The following CHODL variants were observed in gnomAD, a reference collection of about 807,000 sequenced individuals.
CHODL encodes the protein chondrolectin.
A neutral mutation model predicts 34.5 loss-of-function variants in CHODL; 29 were observed. The ratio of observed to expected loss-of-function variants is 0.84; its 90% confidence interval spans 0.63 to 1.15. CHODL has a LOEUF of 1.15. Ranked by LOEUF, CHODL falls within the 50% of genes most tolerant of loss-of-function variation. The probability of loss-of-function intolerance (pLI) is 0.00; values close to 1 mark genes in which losing one functional copy is unlikely to be tolerated. For synonymous variants in CHODL, 125 were observed against 116.1 expected (o/e 1.08, Z -0.49); for missense variants, 332 against 332.5 (o/e 1.00, Z 0.01).
intron 2 of CHODL, among the ~76,000 whole-genome samples, chr21:18,136,622 CGT>C (rs1601053359): frequency 1.3e-5 from 2 of 150,280 alleles, no homozygotes; most frequent in East Asian, 3.9e-4. Context: ...TGTGTGTGTG[CGT>C]GCGCACACAC....
chr21:17,922,344 C>G (rs1000906509), intron 1 of CHODL, among the ~76,000 whole-genome samples: 6 of 152,292 alleles, frequency 3.9e-5, no homozygotes, highest in African/African-American at 1.4e-4. Flanking sequence ...CAACATTGTT[C>G]CACTGCTTTA....
chr21:18,003,056 G>A (rs930797470), intron 1 of CHODL, among the ~76,000 whole-genome samples: 3 of 151,422 alleles, frequency 2.0e-5, no homozygotes, highest in Non-Finnish European at 2.9e-5. Flanking sequence ...CCCGGGGGGC[G>A]GAGTGTGCAG....
At chr21:18,127,710 A>G (rs1269282432) in intron 2 of CHODL, among the ~76,000 whole-genome samples, 1 of 127,230 alleles carries the variant, frequency 7.9e-6, no homozygotes, top group Non-Finnish European at 1.6e-5. Context: ...TTAGCTTAAA[A>G]CAGCAGTATT....
At chr21:18,004,307 AAAG>A (rs2063939407) in intron 1 of CHODL, among the ~76,000 whole-genome samples, 1 of 152,236 alleles carries the variant, frequency 6.6e-6, no homozygotes, top group Admixed American at 6.5e-5. Flanking sequence ...TTTTTAGCAC[AAAG>A]AAGGTTTTAG....
intron 2 of CHODL, among the ~76,000 whole-genome samples, chr21:18,181,622 C>A (rs148536090): frequency 5.9e-5 from 9 of 152,160 alleles, no homozygotes; most frequent in Non-Finnish European, 1.2e-4. Context: ...GATATCCTGA[C>A]CTCGTGATCC....
intron 2 of CHODL, among the ~76,000 whole-genome samples, chr21:18,044,451 T>C (rs569132189): frequency 6.6e-6 from 1 of 151,920 alleles, no homozygotes; most frequent in Non-Finnish European, 1.5e-5. Flanking sequence ...TTTTTAACAC[T>C]TTTACTGGCA....
chr21:17,992,732 T>C (rs1215809890), intron 1 of CHODL, among the ~76,000 whole-genome samples: 2 of 145,188 alleles, frequency 1.4e-5, no homozygotes, highest in Non-Finnish European at 3.0e-5. Flanking sequence ...TTTTTTTTTT[T>C]TTTTTTTTTT....
At chr21:18,010,284 A>G (rs375236855) in intron 1 of CHODL, among the ~76,000 whole-genome samples, 223 of 133,478 alleles carry the variant, frequency 1.7e-3, no homozygotes, top group African/African-American at 6.1e-3. Flanking sequence ...GCGACAGAGC[A>G]AGACTCCCGT....
chr21:17,921,199 A>G lies in CHODL; in HGVS notation c.-145+3799A>G, dbSNP rs79349647. Among the ~76,000 whole-genome samples, 225 of 152,344 alleles carry G rather than the reference A, an allele frequency of 1.5e-3. 4 individuals carry two copies. In the East Asian group the frequency reaches 0.03, roughly 20 times the overall value. ...AGGCTCAGGAGAGTCTATGATGCCAATGAAATGTGAAGGTAGTTTGCTGAA... is the reference window on the plus strand; with the variant it reads ...AGGCTCAGGAGAGTCTATGATGCCAGTGAAATGTGAAGGTAGTTTGCTGAA... On this transcript the variant is annotated intron_variant, in intron 1 of 6. Coordinates refer to the CHODL transcript ENST00000400127.
intron 2 of CHODL, among the ~76,000 whole-genome samples, chr21:18,044,157 G>T (rs2064412152): frequency 6.6e-6 from 1 of 151,962 alleles, no homozygotes; most frequent in African/African-American, 2.4e-5. Flanking sequence ...TAATCAAGAA[G>T]TGAAATAAAA....
At chr21:17,945,408 C>T (rs1447779114) in intron 1 of CHODL, among the ~76,000 whole-genome samples, 1 of 151,410 alleles carries the variant, frequency 6.6e-6, no homozygotes, top group East Asian at 1.9e-4. Context: ...AAAATAGAAA[C>T]AGTAAAAAAG....
chr21:18,219,592 A>AT (rs1340420112), intron 2 of CHODL, among the ~76,000 whole-genome samples: 1 of 151,946 alleles, frequency 6.6e-6, no homozygotes, highest in Admixed American at 6.6e-5. Flanking sequence ...AAACTCTGTT[A>AT]TTTTTTGTCT....
chr21:18,030,672 T>C (rs2064237204), intron 2 of CHODL, among the ~76,000 whole-genome samples: 1 of 152,114 alleles, frequency 6.6e-6, no homozygotes, highest in Non-Finnish European at 1.5e-5. Flanking sequence ...GGAATAGAAA[T>C]GGATGGGATC....
chr21:18,145,422 T>A (rs2072867526), intron 2 of CHODL, among the ~76,000 whole-genome samples: 1 of 115,252 alleles, frequency 8.7e-6, no homozygotes, highest in South Asian at 2.8e-4. Flanking sequence ...AGGGGACGAG[T>A]GAGACTACCT....
chr21:18,116,676 G>C (rs1041616691), intron 2 of CHODL, among the ~76,000 whole-genome samples: 2 of 152,192 alleles, frequency 1.3e-5, no homozygotes, highest in East Asian at 3.8e-4. Flanking sequence ...GAGGCCACTA[G>C]AGGAAGTGAT....
intron 2 of CHODL, among the ~76,000 whole-genome samples, chr21:18,109,239 A>G (rs2065317199): frequency 6.6e-6 from 1 of 152,136 alleles, no homozygotes; most frequent in Non-Finnish European, 1.5e-5. Flanking sequence ...TGCCCACCTC[A>G]AAAGTTATGG....
intron 2 of CHODL, among the ~76,000 whole-genome samples, chr21:18,072,526 T>C (rs1179821052): frequency 6.6e-6 from 1 of 152,148 alleles, no homozygotes; most frequent in African/African-American, 2.4e-5. Context: ...TGAAGTTATA[T>C]TGAATATAGG....
chr21:18,213,541 G>T (rs115010535), intron 2 of CHODL, among the ~76,000 whole-genome samples: 3 of 152,156 alleles, frequency 2.0e-5, no homozygotes, highest in East Asian at 1.9e-4. Flanking sequence ...TGAAATTGGG[G>T]TGGATGAAAT....
At chr21:17,977,398 G>T (rs1157039571) in intron 1 of CHODL, among the ~76,000 whole-genome samples, 1 of 142,892 alleles carries the variant, frequency 7.0e-6, no homozygotes, top group African/African-American at 2.6e-5. Flanking sequence ...AGTCTCTCTC[G>T]CTCTGTCACC....
Sources: allele counts gnomAD v4.1 joint callset (sites outside exome capture counted in the v4.1 genomes callset), GRCh38; gene constraint gnomAD v4.1.1; transcripts MANE v1.5; gene names NCBI Gene and HGNC (gene_info 2026-07-23, HGNC 2026-07-21).